ZNF675: variants seen among roughly 807,000 people sequenced by gnomAD.
The protein encoded by ZNF675 is TRAF6 inhibitory zinc finger.
In ZNF675, 36 loss-of-function variants were observed where a neutral mutation model predicts 56.1. The ratio of observed to expected loss-of-function variants is 0.64; its 90% CI spans 0.49 to 0.85. The LOEUF is 0.85. Ranked by LOEUF, ZNF675 falls within the 40% of genes least tolerant of loss-of-function variation. ZNF675 has a pLI of 0.00. For synonymous variants in ZNF675, 200 were observed against 218.9 expected (o/e 0.91, Z 0.76); for missense variants, 663 against 654.2 (o/e 1.01, Z -0.15).
intron 1 of ZNF675, among the ~76,000 whole-genome samples, chr19:23,663,981 C>T (rs755204654): frequency 3.3e-5 from 5 of 152,084 alleles, no homozygotes; most frequent in Non-Finnish European, 7.3e-5. Flanking sequence ...GAGAATTCTG[C>T]ATGGCATATA....
intron 1 of ZNF675, among the ~76,000 whole-genome samples, chr19:23,664,321 A>G (rs1461749029): frequency 1.3e-5 from 2 of 152,180 alleles, no homozygotes; most frequent in Non-Finnish European, 2.9e-5. Flanking sequence ...TTTACCTGGT[A>G]CCACCACACT....
chr19:23,683,648 G>A (rs8104014), intron 1 of ZNF675, among the ~76,000 whole-genome samples: 147,793 of 152,138 alleles, frequency 0.97, 71,950 homozygotes, highest in Middle Eastern at 1. Flanking sequence ...TCCTGAACTC[G>A]TGACCTCGTG....
intron 1 of ZNF675, among the ~76,000 whole-genome samples, chr19:23,670,156 T>C (rs1369095233): frequency 1.3e-5 from 2 of 152,178 alleles, no homozygotes; most frequent in African/African-American, 4.8e-5. Context: ...GGAACTCTAT[T>C]TCCAATTCTG....
chr19:23,667,013 G>A (rs541461692), intron 1 of ZNF675, among the ~76,000 whole-genome samples: 8 of 152,204 alleles, frequency 5.3e-5, no homozygotes, highest in East Asian at 1.9e-4. Flanking sequence ...ATGAAGCCGC[G>A]GACCCTCGTG....
In ZNF675 at chr19:23,654,453, A is replaced by G; in HGVS notation, c.480T>C (p.Asp160=). Residue 160 remains aspartate, a synonymous_variant, in exon 4 of 4, where the codon GAT becomes GAC. Transcript: ENST00000359788. The part of the protein sequence containing the change: ...VKVFNKFSHS[D]RHKIKHMENK... ...TTTCCATATGTTTTATCTTATGTCT[A>G]TCTGAATGTGAAAATTTATTAAAGA... The G allele has an allele frequency of 6.2e-7, 1 of 1,602,736 alleles. No homozygotes were observed. Among genetic ancestry groups the G allele is most frequent in the South Asian group, 1.1e-5 (1 of 89,130 alleles).
At chr19:23,661,264 G>A (rs1240626535) in intron 3 of ZNF675, among the ~76,000 whole-genome samples, 2 of 152,036 alleles carry the variant, frequency 1.3e-5, no homozygotes, top group Non-Finnish European at 2.9e-5. Context: ...GCCCACCTCA[G>A]CCTCCCAAAG....
chr19:23,670,503 T>A (rs1294905547), intron 1 of ZNF675, among the ~76,000 whole-genome samples: 1 of 151,942 alleles, frequency 6.6e-6, no homozygotes, highest in Non-Finnish European at 1.5e-5. Flanking sequence ...CAGGGCCACC[T>A]GGTTCTCAGG....
At chr19:23,667,197 G>A (rs1338181135) in intron 1 of ZNF675, among the ~76,000 whole-genome samples, 4 of 151,996 alleles carry the variant, frequency 2.6e-5, no homozygotes, top group African/African-American at 4.8e-5. Flanking sequence ...GGAGTTGTTT[G>A]TTCCTCCCGG....
Position 23,653,145 on chromosome 19 carries a change from C to A in ZNF675, c.*81G>T. On this transcript the variant is annotated 3_prime_UTR_variant, in exon 4 of 4. Transcript: ENST00000359788. ...TGAAAACCATTTAAAGTCTTTGACA[C>A]ATTCTTTACATTTCTAGAATTTTTC... The A allele has an allele frequency of 7.8e-7, 1 of 1,287,170 alleles. No homozygotes were observed. 79.7% of individuals were successfully genotyped at this position (1,287,170 alleles called of 1,614,324 possible).
In ZNF675 at chr19:23,654,455, C is replaced by G. The variant is rs145939133; in HGVS notation, c.478G>C (p.Asp160His). The change falls in exon 4 of 4, where the codon GAT (aspartate) becomes CAT (histidine). Residue 160 changes from aspartate (D) to histidine (H), a missense_variant. This residue lies in a region of ZNF675 where 617 missense variants were observed against 590.5 expected (regional missense o/e 1.04). Coordinates refer to ENST00000359788, the MANE Select transcript of ZNF675 (RefSeq NM_138330.3). The stretch of plus-strand genomic sequence containing the variant: ...TCCATATGTTTTATCTTATGTCTAT[C>G]TGAATGTGAAAATTTATTAAAGACT... ...VKVFNKFSHS[D>H]RHKIKHMENK... is the part of the protein sequence containing the mutation. The G allele has an allele frequency of 2.2e-5, 36 of 1,602,600 alleles. No individual in the cohort carries two copies. In the African/African-American group the frequency reaches 3.9e-4, roughly 17 times the overall value.
chr19:23,662,032 A>T, intron 3 of ZNF675, 82 bp downstream of exon 3: 2 of 1,021,746 alleles, frequency 2.0e-6, no homozygotes, highest in Non-Finnish European at 3.0e-6. Context: ...TTCCCAAATC[A>T]CATTTTAAGG....
At chr19:23,671,138 AT>A (rs1485532288) in intron 1 of ZNF675, among the ~76,000 whole-genome samples, 1 of 152,218 alleles carries the variant, frequency 6.6e-6, no homozygotes, top group African/African-American at 2.4e-5. Flanking sequence ...CTTTAAAAAA[AT>A]ATACTAATCT....
Position 23,654,607 on chromosome 19 carries a change from T to TCATTTCCA in ZNF675, c.318_325dup (p.Asp109ValfsTer8). 1 of 1,612,034 alleles carries TCATTTCCA rather than the reference T, an allele frequency of 6.2e-7. No individual in the cohort carries two copies. The highest frequency in any genetic ancestry group is 8.5e-7 in the Non-Finnish European group (1 of 1,179,008). On this transcript the variant is annotated frameshift_variant, in exon 4 of 4. Coordinates refer to ENST00000359788, the MANE Select transcript of ZNF675 (RefSeq NM_138330.3). LOFTEE classifies it high-confidence loss of function. ...TTTACAGCCTTTTAACTGAAAATTA[T>TCATTTCCA]CATTTCCACATTTTTCATATCTTCT...
At position 23,658,969 on chromosome 19, in the gene ZNF675, A is replaced by C. The variant is rs1419525137; in HGVS notation, c.226+3145T>G. Among the ~76,000 whole-genome samples the C allele has an allele frequency of 2.9e-4, 42 of 145,654 alleles. 1 individual carries two copies. The highest frequency in any genetic ancestry group is 7.9e-4 in the African/African-American group (31 of 39,472). On this transcript the variant is annotated intron_variant, in intron 3 of 3. Transcript: ENST00000359788. ...TAGATCTCTAGAGATCTATAGATAG[A>C]TATAGATCTAGAGATAGAGATCGAG... is the stretch of plus-strand genomic sequence containing the variant.
intron 3 of ZNF675, chr19:23,656,075 G>T (rs529234777): frequency 2.6e-5 from 4 of 151,990 alleles, no homozygotes; most frequent in African/African-American, 9.7e-5. Context: ...GAGTGACACA[G>T]TAAAATCTTC....
chr19:23,679,929 G>A (rs1376410271), intron 1 of ZNF675, among the ~76,000 whole-genome samples: 1 of 151,354 alleles, frequency 6.6e-6, no homozygotes, highest in Non-Finnish European at 1.5e-5. Flanking sequence ...GGCAGAGGTT[G>A]TGGTGAGCCG....
At chr19:23,684,435 G>A (rs916641360) in intron 1 of ZNF675, among the ~76,000 whole-genome samples, 3 of 150,958 alleles carry the variant, frequency 2.0e-5, no homozygotes, top group South Asian at 2.1e-4. Flanking sequence ...ACCTGAGGTC[G>A]GGAGTTTGAG....
intron 3 of ZNF675, among the ~76,000 whole-genome samples, chr19:23,658,908 G>GATCTATATCTATAGATATCT (rs1568289217): frequency 7.9e-5 from 2 of 25,214 alleles, no homozygotes; most frequent in African/African-American, 3.0e-4. Context: ...GATATCTATA[G>GATCTATATCTATAGATATCT]ATAGATATAG....
At chr19:23,657,305 A>G (rs1410207823) in intron 3 of ZNF675, among the ~76,000 whole-genome samples, 1 of 152,222 alleles carries the variant, frequency 6.6e-6, no homozygotes, top group Non-Finnish European at 1.5e-5. Context: ...AAATTTTTTA[A>G]AAGAAAAAAT....
Sources: allele counts gnomAD v4.1 joint callset (sites outside exome capture counted in the v4.1 genomes callset), GRCh38; gene constraint gnomAD v4.1.1; regional missense constraint gnomAD v4.1.1; transcripts MANE v1.5; gene names NCBI Gene and HGNC (gene_info 2026-07-23, HGNC 2026-07-21).